The following ZNF491 variants were observed in gnomAD, a reference collection of about 807,000 sequenced individuals.
ZNF491 encodes the protein zinc finger protein 491.
ZNF491 carries 22 observed loss-of-function variants against 34.7 expected under a neutral mutation model. The ratio of observed to expected loss-of-function variants is 0.63; its 90% CI spans 0.45 to 0.90. ZNF491 has a LOEUF of 0.90. Ranked by LOEUF, ZNF491 falls within the 40% of genes least tolerant of loss-of-function variation. The pLI, the probability that ZNF491 is intolerant of heterozygous loss-of-function variation, is 0.00. For synonymous variants in ZNF491, 148 were observed against 174.3 expected (o/e 0.85, Z 1.19); for missense variants, 559 against 531.7 (o/e 1.05, Z -0.51).
At position 11,806,404 on chromosome 19, in the gene ZNF491, C is replaced by A. The variant is rs112159359; in HGVS notation, c.451C>A (p.Arg151=). 6.2e-7 allele frequency: 1 copy of A among 1,613,196 alleles called. No homozygotes were observed. Among genetic ancestry groups the A allele is most frequent in the Non-Finnish European group, 8.5e-7 (1 of 1,179,682 alleles). Residue 151 remains arginine, a synonymous_variant, in exon 3 of 3, where the codon CGA becomes AGA. Coordinates refer to ENST00000323169, the MANE Select transcript of ZNF491 (RefSeq NM_152356.4). ...TCTCAGTTTATACCTTACCCATGAACGAACTCACACTGGAGAGAAACGATA... is the reference window on the plus strand; with the variant it reads ...TCTCAGTTTATACCTTACCCATGAAAGAACTCACACTGGAGAGAAACGATA... The part of the protein sequence containing the change: ...DCLSLYLTHE[R]THTGEKRYEC...
At chr19:11,800,668 G>C (rs1392482550) in intron 1 of ZNF491, among the ~76,000 whole-genome samples, 1 of 152,056 alleles carries the variant, frequency 6.6e-6, no homozygotes, top group African/African-American at 2.4e-5. Flanking sequence ...TTACAGGCAT[G>C]TGCCGACATG....
chr19:11,802,306 T>C (rs1975566425), intron 1 of ZNF491, among the ~76,000 whole-genome samples: 3 of 152,216 alleles, frequency 2.0e-5, no homozygotes, highest in Admixed American at 2.0e-4. Flanking sequence ...AGGTTCCAGT[T>C]TGTCAGCATG....
In ZNF491 at chr19:11,806,126, C is replaced by A. The variant is rs1279916220; in HGVS notation, c.173C>A (p.Thr58Asn). The change falls in exon 3 of 3, where the codon ACT becomes AAT. Residue 58 changes from threonine to asparagine, a missense_variant. Thr to Asn is a moderately conservative substitution (Grantham distance 65). Coordinates refer to ENST00000323169, the MANE Select transcript of ZNF491 (RefSeq NM_152356.4). Reference sequence around the variant, plus strand: ...TCATCCTTTAATAGGAACATCAGAACTGACACTGGACACCAACCACATAAG... The same window carrying A: ...TCATCCTTTAATAGGAACATCAGAAATGACACTGGACACCAACCACATAAG... ...GYSSFNRNIR[T>N]DTGHQPHKCQ... The A allele has an allele frequency of 6.2e-7, 1 of 1,613,890 alleles. No homozygotes were observed. Among genetic ancestry groups the A allele is most frequent in the East Asian group, 2.2e-5 (1 of 44,882 alleles).
chr19:11,800,020 G>T (rs1342866971), intron 1 of ZNF491, among the ~76,000 whole-genome samples: 1 of 152,136 alleles, frequency 6.6e-6, no homozygotes, highest in Non-Finnish European at 1.5e-5. Flanking sequence ...AGGAGGTGAA[G>T]GCTGCATCAA....
chr19:11,800,330 T>C (rs1975545234), intron 1 of ZNF491, among the ~76,000 whole-genome samples: 1 of 152,026 alleles, frequency 6.6e-6, no homozygotes, highest in Non-Finnish European at 1.5e-5. Flanking sequence ...TGACAGTAAA[T>C]CCCTAAATTT....
chr19:11,799,559 T>C (rs1161295419), intron 1 of ZNF491, among the ~76,000 whole-genome samples: 1 of 144,088 alleles, frequency 6.9e-6, no homozygotes, highest in Admixed American at 7.3e-5. Flanking sequence ...TAAAAGAGTA[T>C]ATTTAACATT....
rs1205315464 is a variant in ZNF491, at chr19:11,798,879, C to T, written c.-134+152C>T. ...GGCGTGGCTTGGCCCTCGGTCCGCTCGGCCGCCAGGTGGGGCTGGGCCCGC... is the reference window on the plus strand; with the variant it reads ...GGCGTGGCTTGGCCCTCGGTCCGCTTGGCCGCCAGGTGGGGCTGGGCCCGC... On this transcript the variant is annotated intron_variant, in intron 1 of 2. Transcript: ENST00000323169. This position sits in a 1 kb window ranked among gnomAD's most constrained non-coding sequence, Gnocchi z 4.0. Among the ~76,000 whole-genome samples, 1 of 152,176 alleles carries T rather than the reference C, an allele frequency of 6.6e-6. No homozygotes were observed. The highest frequency in any genetic ancestry group is 1.5e-5 in the Non-Finnish European group (1 of 68,026).
chr19:11,805,933 G>T lies in ZNF491; in HGVS notation c.-7-14G>T. The stretch of plus-strand genomic sequence containing the variant: ...TAAACAGACCCTTAATTATGTGCTT[G>T]GCATTTTTCACAGAAATTTTATGGG... On this transcript the variant is annotated splice_polypyrimidine_tract_variant and intron_variant, in intron 2 of 2. Transcript: ENST00000323169. The T allele has an allele frequency of 2.0e-6, 3 of 1,527,758 alleles. No individual in the cohort carries two copies. Among genetic ancestry groups the T allele is most frequent in the Non-Finnish European group, 2.6e-6 (3 of 1,137,504 alleles). The allele number at this position is 1,527,758 out of a possible 1,614,324, so 94.6% of individuals were successfully genotyped here.
intron 1 of ZNF491, among the ~76,000 whole-genome samples, chr19:11,799,623 T>C (rs1346454180): frequency 6.6e-6 from 1 of 151,734 alleles, no homozygotes; most frequent in Non-Finnish European, 1.5e-5. Flanking sequence ...ACCCCGTCTG[T>C]ACAAAATATT....
chr19:11,801,325 G>A (rs937259380), intron 1 of ZNF491, among the ~76,000 whole-genome samples: 10 of 152,066 alleles, frequency 6.6e-5, no homozygotes, highest in Non-Finnish European at 1.3e-4. Flanking sequence ...TCATGTGTTT[G>A]TTGGCCATTT....
chr19:11,806,065 G>C lies in ZNF491; in HGVS notation c.112G>C (p.Glu38Gln). The C allele has an allele frequency of 6.2e-7, 1 of 1,613,932 alleles. No homozygotes were observed. The highest frequency in any genetic ancestry group is 8.5e-7 in the Non-Finnish European group (1 of 1,180,018). ...KKTLPGVKSC[E>Q]SGTCGEIFMG... Reference sequence around the variant, plus strand: ...AACTCTTCCTGGAGTAAAATCATGTGAAAGTGGTACATGTGGAGAAATCTT... The same window carrying C: ...AACTCTTCCTGGAGTAAAATCATGTCAAAGTGGTACATGTGGAGAAATCTT... Residue 38 changes from glutamate to glutamine, a missense_variant, in exon 3 of 3, where the codon GAA becomes CAA. Physicochemically the swap from Glu to Gln is conservative, Grantham distance 29 (BLOSUM62 2). Transcript: ENST00000323169.
rs1489122744 is a variant in ZNF491, at chr19:11,806,567, A to T, written c.614A>T (p.His205Leu). 6.2e-7 allele frequency: 1 copy of T among 1,614,174 alleles called. No individual in the cohort carries two copies. The highest frequency in any genetic ancestry group is 1.3e-5 in the African/African-American group (1 of 75,064). The change falls in exon 3 of 3, where the codon CAT becomes CTT. Residue 205 changes from histidine (H) to leucine (L), a missense_variant. Transcript: ENST00000323169. ...SFNFSSSFRR[H>L]ERTHTGEKPY... The stretch of plus-strand genomic sequence containing the variant: ...AATTTTTCCAGTTCCTTTCGCAGAC[A>T]TGAAAGGACACACACAGGAGAGAAG...
intron 2 of ZNF491, among the ~76,000 whole-genome samples, chr19:11,805,618 C>T (rs183579274): frequency 6.6e-6 from 1 of 152,150 alleles, no homozygotes; most frequent in African/African-American, 2.4e-5. Context: ...GAGACCAAGG[C>T]AAGAGGACCA....
intron 1 of ZNF491, among the ~76,000 whole-genome samples, chr19:11,800,277 G>A (rs1975544647): frequency 6.6e-6 from 1 of 152,056 alleles, no homozygotes; most frequent in Non-Finnish European, 1.5e-5. Context: ...GATCAAAGAG[G>A]GAGTTTTTGG....
chr19:11,800,135 C>T (rs562956805), intron 1 of ZNF491, among the ~76,000 whole-genome samples: 10 of 152,170 alleles, frequency 6.6e-5, no homozygotes, highest in African/African-American at 2.4e-4. Flanking sequence ...GGAAAAGGGA[C>T]TTGATTGGAT....
At chr19:11,799,669 C>CT (rs751189915) in intron 1 of ZNF491, among the ~76,000 whole-genome samples, 2 of 152,084 alleles carry the variant, frequency 1.3e-5, no homozygotes, top group Non-Finnish European at 2.9e-5. Context: ...GGCGCGGTGG[C>CT]TCACGTCTAC....
chr19:11,799,989 G>T (rs1023725945), intron 1 of ZNF491, among the ~76,000 whole-genome samples: 2 of 152,124 alleles, frequency 1.3e-5, no homozygotes, highest in African/African-American at 4.8e-5. Flanking sequence ...GGAGGCTGAG[G>T]CAGGAGAATT....
chr19:11,799,745 C>T (rs1215084369), intron 1 of ZNF491, among the ~76,000 whole-genome samples: 2 of 151,926 alleles, frequency 1.3e-5, no homozygotes, highest in Non-Finnish European at 2.9e-5. Context: ...ACCATCCTGG[C>T]CAACATGGTG....
chr19:11,806,873 C>T lies in ZNF491; in HGVS notation c.920C>T (p.Ala307Val). 6.2e-7 allele frequency: 1 copy of T among 1,611,088 alleles called. No individual in the cohort carries two copies. Among genetic ancestry groups the T allele is most frequent in the Non-Finnish European group, 8.5e-7 (1 of 1,178,692 alleles). ...KPYKCKQCGK[A>V]FTCSTSFQYH... The stretch of plus-strand genomic sequence containing the variant: ...TACAAATGCAAGCAATGTGGGAAAG[C>T]CTTCACTTGTTCCACTTCGTTTCAA... Residue 307 changes from alanine to valine, a missense_variant, in exon 3 of 3, where the codon GCC (alanine) becomes GTC (valine). By Grantham distance (64) the Ala-to-Val change is moderately conservative. Coordinates refer to ENST00000323169, the MANE Select transcript of ZNF491 (RefSeq NM_152356.4).
Sources: allele counts gnomAD v4.1 joint callset (sites outside exome capture counted in the v4.1 genomes callset), GRCh38; gene constraint gnomAD v4.1.1; non-coding constraint Gnocchi (gnomAD v3.1); transcripts MANE v1.5; gene names NCBI Gene and HGNC (gene_info 2026-07-23, HGNC 2026-07-21).